KIRREL3: variants seen among roughly 807,000 people sequenced by gnomAD.
KIRREL3 encodes kin of IRRE-like protein 3.
KIRREL3 carries 36 observed loss-of-function variants against 89.7 expected under a neutral mutation model. The ratio of observed to expected loss-of-function variants is 0.40; its 90% CI spans 0.31 to 0.53. The LOEUF (loss-of-function observed/expected upper bound fraction) is 0.53. Ranked by LOEUF, KIRREL3 falls within the 20% of genes least tolerant of loss-of-function variation. KIRREL3 has a pLI of 0.49. For missense variants in KIRREL3, 864 were observed against 1,056.6 expected (o/e 0.82, Z 2.53); for synonymous variants, 445 against 441.4 (o/e 1.01, Z -0.10).
rs1951189856 is a variant in KIRREL3 at position 126,805,929 on chromosome 11, C to G, written c.55+194526G>C. ...CCCCTCCACCTTCTCCGTGCGGCCTCTCCCTTGGCTGTCCTCTGAATGTGC... is the reference window on the plus strand; with the variant it reads ...CCCCTCCACCTTCTCCGTGCGGCCTGTCCCTTGGCTGTCCTCTGAATGTGC... On this transcript the variant is annotated intron_variant, in intron 1 of 16. Coordinates refer to ENST00000525144, the MANE Select transcript of KIRREL3 (RefSeq NM_032531.4). The surrounding 1 kb of genome is among the most constrained non-coding windows in gnomAD (Gnocchi z 4.3). 6.6e-6 allele frequency among the ~76,000 whole-genome samples: 1 copy of G among 152,206 alleles called. No individual in the cohort carries two copies. Among genetic ancestry groups the G allele is most frequent in the Non-Finnish European group, 1.5e-5 (1 of 68,040 alleles).
Position 126,763,038 on chromosome 11 carries a change from C to T in KIRREL3, c.56-200126G>A, listed in dbSNP as rs1428223546. Among the ~76,000 whole-genome samples, 1 of 152,146 alleles carries T rather than the reference C, an allele frequency of 6.6e-6. No homozygotes were observed. The highest frequency in any genetic ancestry group is 1.5e-5 in the Non-Finnish European group (1 of 68,026). ...GGATCCTGGGATTCAACTTTGAGAG[C>T]ATAACTAGGTAGGTAGAGAGGGGCT... is the stretch of plus-strand genomic sequence containing the variant. On this transcript the variant is annotated intron_variant, in intron 1 of 16. Transcript: ENST00000525144. The surrounding 1 kb of genome is among the most constrained non-coding windows in gnomAD (Gnocchi z 4.7).
At chr11:126,801,235 C>T (rs1245024866) in intron 1 of KIRREL3, among the ~76,000 whole-genome samples, 1 of 152,120 alleles carries the variant, frequency 6.6e-6, no homozygotes, top group Non-Finnish European at 1.5e-5. Context: ...TCTTTTCTAT[C>T]CTAAGGATTA....
chr11:126,769,625 G>A lies in KIRREL3; in HGVS notation c.56-206713C>T, dbSNP rs1393744351. Among the ~76,000 whole-genome samples, 2 of 152,122 alleles carry A rather than the reference G, an allele frequency of 1.3e-5. No individual in the cohort carries two copies. Among genetic ancestry groups the A allele is most frequent in the Admixed American group, 1.3e-4 (2 of 15,268 alleles). ...TTTCAAGCCTTCTTTCCTTCATTTA[G>A]CAACTTTTAATTAAATGATTTCTGA... On this transcript the variant is annotated intron_variant, in intron 1 of 16. Coordinates refer to ENST00000525144, the MANE Select transcript of KIRREL3 (RefSeq NM_032531.4). This position sits in a 1 kb window ranked among gnomAD's most constrained non-coding sequence, Gnocchi z 4.3.
intron 1 of KIRREL3, among the ~76,000 whole-genome samples, chr11:126,885,418 C>T (rs539638346): frequency 9.2e-5 from 14 of 152,160 alleles, no homozygotes; most frequent in Admixed American, 5.2e-4. Flanking sequence ...AATTTTCAGG[C>T]GTATGTTTAT....
At chr11:126,925,507 C>G (rs1407778397) in intron 1 of KIRREL3, among the ~76,000 whole-genome samples, 1 of 152,208 alleles carries the variant, frequency 6.6e-6, no homozygotes, top group South Asian at 2.1e-4. Flanking sequence ...CAGGTTCGAG[C>G]TGAGCTCAGT....
intron 1 of KIRREL3, chr11:126,681,715 A>G (rs1946465379): frequency 2.8e-6 from 1 of 351,832 alleles, no homozygotes; most frequent in African/African-American, 2.1e-5. Flanking sequence ...ATAGTAGGTG[A>G]TCAATAAACA....
At position 126,995,599 on chromosome 11, in the gene KIRREL3, C is replaced by T. The variant is rs1591443554; in HGVS notation, c.55+4856G>A. ...GTGCTTTTGGCCCTCCTCCTCACTCCTCCAGTATGGGCAATTTTCTTTTCC... is the reference window on the plus strand; with the variant it reads ...GTGCTTTTGGCCCTCCTCCTCACTCTTCCAGTATGGGCAATTTTCTTTTCC... On this transcript the variant is annotated intron_variant, in intron 1 of 16. Transcript: ENST00000525144. This position sits in a 1 kb window ranked among gnomAD's most constrained non-coding sequence, Gnocchi z 6.5. The T allele has an allele frequency of 1.7e-5, 5 of 295,698 alleles. No individual in the cohort carries two copies. The highest frequency in any genetic ancestry group is 4.9e-5 in the Admixed American group (1 of 20,490). The allele number at this position is 295,698 out of a possible 1,614,324, so 18.3% of individuals were successfully genotyped here. A position where few individuals can be genotyped will look rare whatever the true frequency, so the allele number is the denominator to read the frequency against.
chr11:126,590,731 G>A (rs1591787624), intron 1 of KIRREL3, among the ~76,000 whole-genome samples: 2 of 152,150 alleles, frequency 1.3e-5, no homozygotes. Flanking sequence ...TGCTGCACCA[G>A]GCTCAAGGAG....
chr11:126,607,111 A>G lies in KIRREL3; in HGVS notation c.56-44199T>C, dbSNP rs1412365467. On this transcript the variant is annotated intron_variant, in intron 1 of 16. Coordinates refer to ENST00000525144, the MANE Select transcript of KIRREL3 (RefSeq NM_032531.4). The surrounding 1 kb of genome is among the most constrained non-coding windows in gnomAD (Gnocchi z 6.6). ...AACCACAGGGCTTGTCGTGGGGCTT[A>G]TGAGTAGCTAGGGCCTCCCAGGAGG... 1.3e-5 allele frequency among the ~76,000 whole-genome samples: 2 copies of G among 152,154 alleles called. No individual in the cohort carries two copies. Among genetic ancestry groups the G allele is most frequent in the African/African-American group, 2.4e-5 (1 of 41,424 alleles).
intron 4 of KIRREL3, among the ~76,000 whole-genome samples, chr11:126,503,692 G>T (rs745428607): frequency 1.3e-5 from 2 of 152,072 alleles, no homozygotes; most frequent in Non-Finnish European, 2.9e-5. Context: ...TTAGATACTG[G>T]GAGGTAATTA....
At position 126,797,494 on chromosome 11, in the gene KIRREL3, C is replaced by T. The variant is rs1358053967; in HGVS notation, c.55+202961G>A. On this transcript the variant is annotated intron_variant, in intron 1 of 16. Coordinates refer to ENST00000525144, the MANE Select transcript of KIRREL3 (RefSeq NM_032531.4). This position sits in a 1 kb window ranked among gnomAD's most constrained non-coding sequence, Gnocchi z 4.9. ...TTCATCTGTTACCTGGGAAGCTAAA[C>T]TGTCCACACCCTTCTCCCATGGTGA... 6.6e-6 allele frequency among the ~76,000 whole-genome samples: 1 copy of T among 152,074 alleles called. No individual in the cohort carries two copies. Among genetic ancestry groups the T allele is most frequent in the Non-Finnish European group, 1.5e-5 (1 of 68,024 alleles).
Position 126,682,023 on chromosome 11 carries a change from T to C in KIRREL3, c.56-119111A>G, listed in dbSNP as rs148908823. On this transcript the variant is annotated intron_variant, in intron 1 of 16. Coordinates refer to ENST00000525144, the MANE Select transcript of KIRREL3 (RefSeq NM_032531.4). This position sits in a 1 kb window ranked among gnomAD's most constrained non-coding sequence, Gnocchi z 4.8. ...GACCAGATGTCAAGACTGGACTACATCTTTATATTCATTTCCAGATTTAAA... is the reference window on the plus strand; with the variant it reads ...GACCAGATGTCAAGACTGGACTACACCTTTATATTCATTTCCAGATTTAAA... 1 of 363,594 alleles carries C rather than the reference T, an allele frequency of 2.8e-6. No homozygotes were observed. Among genetic ancestry groups the C allele is most frequent in the East Asian group, 7.4e-5 (1 of 13,484 alleles). The allele number at this position is 363,594 out of a possible 1,614,324, so 22.5% of individuals were successfully genotyped here.
rs1034831028 is a variant in KIRREL3, at chr11:126,655,304, T to C, written c.56-92392A>G. On this transcript the variant is annotated intron_variant, in intron 1 of 16. Coordinates refer to ENST00000525144, the MANE Select transcript of KIRREL3 (RefSeq NM_032531.4). The surrounding 1 kb of genome is among the most constrained non-coding windows in gnomAD (Gnocchi z 5.0). ...TGGAAAACAATGTGAGCAGTATCTC[T>C]CAAAATTAGGTCAGGGCTTGCAGAG... is the stretch of plus-strand genomic sequence containing the variant. Among the ~76,000 whole-genome samples, 3 of 152,184 alleles carry C rather than the reference T, an allele frequency of 2.0e-5. No individual in the cohort carries two copies. Among genetic ancestry groups the C allele is most frequent in the Admixed American group, 2.0e-4 (3 of 15,280 alleles).
chr11:126,760,538 T>C (rs913021416), intron 1 of KIRREL3, among the ~76,000 whole-genome samples: 2 of 152,218 alleles, frequency 1.3e-5, no homozygotes, highest in African/African-American at 2.4e-5. Context: ...CCTGTTCTCA[T>C]TGAGCTTGCA....
intron 1 of KIRREL3, among the ~76,000 whole-genome samples, chr11:126,975,898 C>CCCTCCCTT (rs1565470828): frequency 9.5e-6 from 1 of 104,984 alleles, no homozygotes. Flanking sequence ...CTCCCTCCCT[C>CCCTCCCTT]CCTCCCTTCC....
At chr11:126,546,249 A>G (rs773326120) in intron 2 of KIRREL3, among the ~76,000 whole-genome samples, 1 of 152,218 alleles carries the variant, frequency 6.6e-6, no homozygotes, top group African/African-American at 2.4e-5. Context: ...AGACCTCACA[A>G]TTGTTCAGGG....
In KIRREL3 at chr11:126,795,423, G is replaced by C. The variant is rs1950776628; in HGVS notation, c.55+205032C>G. ...CTCAGTCTGTGACCCAGCCTGGAGT[G>C]CAGTGGCGTGATCTCTGCTCACTGC... On this transcript the variant is annotated intron_variant, in intron 1 of 16. Transcript: ENST00000525144. This position sits in a 1 kb window ranked among gnomAD's most constrained non-coding sequence, Gnocchi z 4.1. Among the ~76,000 whole-genome samples, 1 of 152,198 alleles carries C rather than the reference G, an allele frequency of 6.6e-6. No individual in the cohort carries two copies. The highest frequency in any genetic ancestry group is 6.5e-5 in the Admixed American group (1 of 15,284).
intron 1 of KIRREL3, among the ~76,000 whole-genome samples, chr11:126,626,956 C>T (rs1943813226): frequency 6.6e-6 from 1 of 151,294 alleles, no homozygotes; most frequent in Non-Finnish European, 1.5e-5. Context: ...TTGCAGTTTG[C>T]ACCATTGCAC....
chr11:126,930,618 G>A (rs935070804), intron 1 of KIRREL3, among the ~76,000 whole-genome samples: 1 of 152,174 alleles, frequency 6.6e-6, no homozygotes, highest in Admixed American at 6.5e-5. Flanking sequence ...AAGGAAGCCT[G>A]CTGAAGATAG....
Sources: allele counts gnomAD v4.1 joint callset (sites outside exome capture counted in the v4.1 genomes callset), GRCh38; gene constraint gnomAD v4.1.1; non-coding constraint Gnocchi (gnomAD v3.1); transcripts MANE v1.5; gene names NCBI Gene and HGNC (gene_info 2026-07-23, HGNC 2026-07-21).